Variants in WDR43 observed in about 807,000 individuals in gnomAD.
WDR43 encodes WD repeat-containing protein 43.
A neutral mutation model predicts 91.4 loss-of-function variants in WDR43; 13 were observed. That is an observed-to-expected ratio of 0.14 (90% CI 0.09 to 0.23). The LOEUF is 0.23. Ranked by LOEUF, WDR43 falls within the 10% of genes least tolerant of loss-of-function variation. The pLI is 1.00. For missense variants in WDR43, 780 were observed against 809.4 expected, an observed-to-expected ratio of 0.96 and a Z score of 0.44; for synonymous variants, 331 against 287.9, an observed-to-expected ratio of 1.15 and a Z score of -1.51.
In WDR43 at chr2:28,942,159, G is replaced by A. The variant is rs140319817; in HGVS notation, c.1735-153G>A. On this transcript the variant is annotated intron_variant, in intron 15 of 17. Coordinates refer to ENST00000407426, the MANE Select transcript of WDR43 (RefSeq NM_015131.3). ...AATTCTTTCCCTCTTGTATTTGAAGGACTTTTTTGCTCTGTATTGTATGAA... is the reference window on the plus strand; with the variant it reads ...AATTCTTTCCCTCTTGTATTTGAAGAACTTTTTTGCTCTGTATTGTATGAA... Among the ~76,000 whole-genome samples the A allele has an allele frequency of 3.4e-4, 52 of 152,246 alleles. No individual in the cohort carries two copies. The East Asian group carries it at 9.5e-3, about 28-fold the overall frequency.
At chr2:28,922,820 T>G in intron 6 of WDR43, 99 bp from the exon 7 acceptor site, 1 of 476,806 alleles carries the variant, frequency 2.1e-6, no homozygotes, top group Non-Finnish European at 3.4e-6. Context: ...TTTTTCTGGT[T>G]GTGTAATGGG....
chr2:28,903,535 G>C (rs1670616192), intron 2 of WDR43, among the ~76,000 whole-genome samples: 1 of 152,034 alleles, frequency 6.6e-6, no homozygotes, highest in South Asian at 2.1e-4. Context: ...TTTGCATTTA[G>C]GAATGTATTA....
intron 2 of WDR43, among the ~76,000 whole-genome samples, chr2:28,906,138 A>G (rs1670674053): frequency 6.6e-6 from 1 of 152,288 alleles, no homozygotes; most frequent in Admixed American, 6.5e-5. Flanking sequence ...CACCATAAAT[A>G]TATTCATTTT....
chr2:28,943,384 C>T (rs185828972), intron 16 of WDR43, among the ~76,000 whole-genome samples: 3 of 152,252 alleles, frequency 2.0e-5, no homozygotes, highest in East Asian at 3.9e-4. Context: ...GGTCTTCTCG[C>T]GTCAGCTTCC....
chr2:28,937,860 GT>G, intron 13 of WDR43, 70 bp from the exon 14 acceptor site: 1 of 1,483,458 alleles, frequency 6.7e-7, no homozygotes, highest in Non-Finnish European at 9.3e-7. Flanking sequence ...GTCTGTCTGG[GT>G]TTTCTAACAG....
At chr2:28,931,315 C>G (rs1487419817) in intron 11 of WDR43, among the ~76,000 whole-genome samples, 1 of 152,096 alleles carries the variant, frequency 6.6e-6, no homozygotes, top group African/African-American at 2.4e-5. Flanking sequence ...CTCCTGAGCT[C>G]GTGATCCACC....
chr2:28,941,657 G>GCAAGACCCTGTC, intron 15 of WDR43, 83 bp downstream of exon 15: 2 of 1,052,168 alleles, frequency 1.9e-6, no homozygotes, highest in Non-Finnish European at 2.8e-6. Flanking sequence ...TTGAGACAGG[G>GCAAGACCCTGTC]TCTTGCTCTG....
rs111909819 is a variant in WDR43 at position 28,907,773 on chromosome 2, G to C, written c.485+1192G>C. Among the ~76,000 whole-genome samples the C allele has an allele frequency of 2.6e-4, 39 of 152,196 alleles. 1 individual carries two copies. The highest frequency in any genetic ancestry group is 9.4e-4 in the African/African-American group (39 of 41,538). ...AAAAAAATTAGCTGGGCGTGGTGGC[G>C]GGCCTCTGTAGTCCCAGCTACTCGG... is the stretch of plus-strand genomic sequence containing the variant. On this transcript the variant is annotated intron_variant, in intron 3 of 17. Transcript: ENST00000407426.
chr2:28,927,483 C>T, intron 9 of WDR43, 86 bp from the exon 10 acceptor site: 1 of 1,465,942 alleles, frequency 6.8e-7, no homozygotes, highest in Non-Finnish European at 9.2e-7. Flanking sequence ...ATAGAGGAGC[C>T]CTTTAAAAGC....
chr2:28,900,597 G>T (rs1039295983), intron 1 of WDR43, among the ~76,000 whole-genome samples: 1 of 152,142 alleles, frequency 6.6e-6, no homozygotes, highest in African/African-American at 2.4e-5. Flanking sequence ...ACCTTATACA[G>T]AAATTATTTT....
chr2:28,913,958 G>A (rs1670857156), intron 4 of WDR43, 111 bp from the exon 5 acceptor site: 3 of 1,229,952 alleles, frequency 2.4e-6, no homozygotes. Context: ...CTTCATCGTG[G>A]AGCTCTCCTT....
chr2:28,925,310 GCT>G (rs1671107405), intron 8 of WDR43, among the ~76,000 whole-genome samples, 157 bp downstream of exon 8: 1 of 152,038 alleles, frequency 6.6e-6, no homozygotes, highest in Non-Finnish European at 1.5e-5. Flanking sequence ...AATTTTGAGA[GCT>G]CTATATCCAA....
chr2:28,895,219 T>G (rs1670454267), intron 1 of WDR43: 1 of 295,654 alleles, frequency 3.4e-6, no homozygotes, highest in Non-Finnish European at 6.2e-6. Context: ...CCAAGTCCCC[T>G]GGTCCCCCTG....
intron 1 of WDR43, among the ~76,000 whole-genome samples, chr2:28,897,755 A>G (rs1466433061): frequency 1.3e-5 from 2 of 152,206 alleles, no homozygotes; most frequent in East Asian, 3.8e-4. Context: ...GTAACGGGTT[A>G]AGTTTGTGGT....
intron 5 of WDR43, among the ~76,000 whole-genome samples, chr2:28,916,722 G>A (rs1670918241): frequency 1.3e-5 from 2 of 152,076 alleles, no homozygotes; most frequent in Non-Finnish European, 2.9e-5. Flanking sequence ...CACTGATTTA[G>A]TCAATAACAT....
rs576001842 is a variant in WDR43, at chr2:28,940,176, T to C, written c.1621-1285T>C. ...AGTGCTACAGGGACAGATAAAAGAA[T>C]ATCAGAATATCACGGGGGTAGGGGG... On this transcript the variant is annotated intron_variant, in intron 14 of 17. Coordinates refer to ENST00000407426, the MANE Select transcript of WDR43 (RefSeq NM_015131.3). 7.5e-4 allele frequency among the ~76,000 whole-genome samples: 111 copies of C among 148,248 alleles called. No homozygotes were observed. The South Asian group carries it at 0.023, about 31-fold the overall frequency.
rs548726835 is a variant in WDR43, at chr2:28,921,220, C to T, written c.850-1699C>T. Among the ~76,000 whole-genome samples, 342 of 151,846 alleles carry T rather than the reference C, an allele frequency of 2.3e-3. 2 individuals carry two copies. The highest frequency in any genetic ancestry group is 2.5e-3 in the Non-Finnish European group (173 of 67,936). On this transcript the variant is annotated intron_variant, in intron 6 of 17. Transcript: ENST00000407426. ...TCAGCTCACTGCAACCTCTGCCTCC[C>T]GGGTTCAAGCGATTCTCCTGCCTCA... is the stretch of plus-strand genomic sequence containing the variant.
At chr2:28,900,593 T>C (rs912144916) in intron 1 of WDR43, among the ~76,000 whole-genome samples, 2 of 152,224 alleles carry the variant, frequency 1.3e-5, no homozygotes, top group African/African-American at 4.8e-5. Context: ...TATAACCTTA[T>C]ACAGAAATTA....
intron 3 of WDR43, among the ~76,000 whole-genome samples, chr2:28,906,938 AAAG>A (rs1047961781): frequency 3.1e-4 from 47 of 152,210 alleles, no homozygotes; most frequent in African/African-American, 9.6e-4. Context: ...AGGGTGGAGA[AAAG>A]AAGTTGGGGA....
Sources: gnomAD v4.1 joint callset for allele counts (sites outside exome capture counted in the v4.1 genomes callset) on GRCh38, gnomAD v4.1.1 for gene constraint, MANE v1.5 for transcripts, NCBI Gene and HGNC (gene_info 2026-07-23, HGNC 2026-07-21) for gene names.